The following TG variants were observed in gnomAD, a reference collection of about 807,000 sequenced individuals.
TG encodes thyroglobulin.
A neutral mutation model predicts 324.7 loss-of-function variants in TG; 270 were observed. The observed-to-expected ratio is 0.83, with a 90% CI of 0.75 to 0.92. The LOEUF (loss-of-function observed/expected upper bound fraction) is 0.92, where lower values mean the gene tolerates loss of function less well. Ranked by LOEUF, TG falls within the 40% of genes least tolerant of loss-of-function variation. The probability of loss-of-function intolerance (pLI) is 0.00; values close to 1 mark genes in which losing one functional copy is unlikely to be tolerated. For synonymous variants in TG, 1,401 were observed against 1,327.0 expected, an observed-to-expected ratio of 1.06 and a Z score of -1.21; for missense variants, 3,591 against 3,456.4, an observed-to-expected ratio of 1.04 and a Z score of -0.98.
chr8:132,967,636 A>G (rs779256191), intron 30 of TG, among the ~76,000 whole-genome samples, 158 bp from the exon 31 acceptor site: 2 of 152,152 alleles, frequency 1.3e-5, no homozygotes, highest in African/African-American at 4.8e-5. Flanking sequence ...GCGTTTTTGC[A>G]TGGGCCTTCC....
intron 41 of TG, among the ~76,000 whole-genome samples, chr8:133,084,183 G>GGA (rs988945233): frequency 7.9e-5 from 12 of 152,242 alleles, no homozygotes; most frequent in Middle Eastern, 3.4e-3. Flanking sequence ...GGGACGAAAT[G>GGA]GAGAGAGAGG....
chr8:132,902,449 G>T (rs1818063411), intron 16 of TG, among the ~76,000 whole-genome samples: 5 of 152,138 alleles, frequency 3.3e-5, no homozygotes, highest in Admixed American at 3.3e-4. Flanking sequence ...TGCGGGGGTT[G>T]CTTTCCAGTT....
chr8:132,885,299 T>C (rs1255122001), intron 8 of TG, among the ~76,000 whole-genome samples: 3 of 152,176 alleles, frequency 2.0e-5, no homozygotes, highest in Non-Finnish European at 4.4e-5. Flanking sequence ...TAGAATGACT[T>C]GACCATGCAA....
chr8:133,088,415 C>A (rs1041531616), intron 41 of TG, among the ~76,000 whole-genome samples: 5 of 152,260 alleles, frequency 3.3e-5, no homozygotes, highest in Admixed American at 1.3e-4. Flanking sequence ...GTGGGGGGAA[C>A]AATGAAACCT....
At chr8:132,972,572 T>TG (rs745312149) in intron 33 of TG, 26 bp from the exon 34 acceptor site, 73 of 1,573,444 alleles carry the variant, frequency 4.6e-5, no homozygotes, top group Non-Finnish European at 6.1e-5. Flanking sequence ...GATTGTGGTT[T>TG]TTTGTTTTTT....
At chr8:132,971,690 A>G (rs1019569789) in intron 32 of TG, 104 bp from the exon 33 acceptor site, 5 of 805,000 alleles carry the variant, frequency 6.2e-6, no homozygotes, top group East Asian at 2.5e-5. Context: ...GGGTAAAAAA[A>G]TAAGCTAGTT....
rs1839150954 is a variant in TG at position 132,868,230 on chromosome 8, C to T, written c.176+7C>T. 1 of 1,612,918 alleles carries T rather than the reference C, an allele frequency of 6.2e-7. No individual in the cohort carries two copies. Among genetic ancestry groups the T allele is most frequent in the South Asian group, 1.1e-5 (1 of 91,070 alleles). ...CAGAGGATGGCAGCTTCCAGTAAGGCTTATGTCAGCAGCGAACTCTCAAGG... is the reference window on the plus strand; with the variant it reads ...CAGAGGATGGCAGCTTCCAGTAAGGTTTATGTCAGCAGCGAACTCTCAAGG... On this transcript the variant is annotated splice_region_variant and intron_variant, in intron 2 of 47. Transcript: ENST00000220616.
chr8:133,059,588 T>C (rs2741200), intron 41 of TG, among the ~76,000 whole-genome samples: 53,876 of 151,810 alleles, frequency 0.35, 10,695 homozygotes, highest in African/African-American at 0.54. Flanking sequence ...ATCCCACCAA[T>C]GGGACATAAG....
rs1437684873 is a variant in TG at position 132,867,012 on chromosome 8, C to T, written c.12C>T (p.Val4=). ...GAAGGGCCAGGAAAATGGCCCTGGT[C>T]CTGGAGATCTTCACCCTGCTGGCCT... MAL[V]LEIFTLLASI... The change falls in exon 1 of 48, where the codon GTC becomes GTT. Residue 4 remains valine, a synonymous_variant. Transcript: ENST00000220616. 6.3e-7 allele frequency: 1 copy of T among 1,597,758 alleles called. No homozygotes were observed. The highest frequency in any genetic ancestry group is 2.3e-5 in the East Asian group (1 of 44,384).
At chr8:132,966,815 T>C (rs1828627013) in intron 30 of TG, 118 bp downstream of exon 30, 1 of 1,208,032 alleles carries the variant, frequency 8.3e-7, no homozygotes, top group African/African-American at 1.5e-5. Flanking sequence ...AACTCATGGA[T>C]CACTGTGGAT....
chr8:133,115,307 A>G (rs984208902), intron 44 of TG, among the ~76,000 whole-genome samples: 1 of 152,204 alleles, frequency 6.6e-6, no homozygotes, highest in African/African-American at 2.4e-5. Context: ...ACCTGGCCCC[A>G]TCTCCCTGGC....
At chr8:133,081,712 C>T (rs890321596) in intron 41 of TG, among the ~76,000 whole-genome samples, 2 of 144,298 alleles carry the variant, frequency 1.4e-5, no homozygotes, top group Non-Finnish European at 3.2e-5. Flanking sequence ...GCCTCCACAT[C>T]GGGGGAGATC....
chr8:133,081,160 G>A (rs1294917788), intron 41 of TG, among the ~76,000 whole-genome samples: 1 of 152,246 alleles, frequency 6.6e-6, no homozygotes, highest in African/African-American at 2.4e-5. Flanking sequence ...GCATAGGACG[G>A]GACCCACCAG....
intron 43 of TG, chr8:133,102,438 CG>C: frequency 2.2e-6 from 2 of 897,234 alleles, no homozygotes; most frequent in South Asian, 1.5e-5. Flanking sequence ...AGACCAAAGA[CG>C]GAGGGTGGGT....
intron 35 of TG, among the ~76,000 whole-genome samples, chr8:132,989,952 G>C (rs1832100011): frequency 6.6e-6 from 1 of 152,006 alleles, no homozygotes; most frequent in Admixed American, 6.6e-5. Flanking sequence ...GAGAATAATG[G>C]TGAAATATAA....
chr8:132,886,163 A>C (rs1051625479), intron 8 of TG, among the ~76,000 whole-genome samples: 1 of 152,126 alleles, frequency 6.6e-6, no homozygotes, highest in African/African-American at 2.4e-5. Context: ...AGGTTTTCAG[A>C]AAGTGAGCCA....
intron 40 of TG, among the ~76,000 whole-genome samples, chr8:133,029,583 A>G (rs1267814701): frequency 3.3e-5 from 5 of 152,194 alleles, no homozygotes; most frequent in African/African-American, 1.2e-4. Flanking sequence ...GGAGAGGTAC[A>G]AGAACATGAT....
intron 35 of TG, among the ~76,000 whole-genome samples, chr8:133,000,150 A>G (rs765546667): frequency 1.3e-5 from 2 of 152,204 alleles, no homozygotes; most frequent in Non-Finnish European, 2.9e-5. Context: ...AATCCTTAAC[A>G]AATGTTAGTG....
intron 45 of TG, among the ~76,000 whole-genome samples, chr8:133,117,874 G>A (rs1423343349): frequency 3.9e-5 from 6 of 152,124 alleles, no homozygotes; most frequent in Admixed American, 6.5e-5. Context: ...CCATATACCC[G>A]CTGTGCCATC....
Sources: allele counts gnomAD v4.1 joint callset (sites outside exome capture counted in the v4.1 genomes callset), GRCh38; gene constraint gnomAD v4.1.1; transcripts MANE v1.5; gene names NCBI Gene and HGNC (gene_info 2026-07-23, HGNC 2026-07-21).